The following MDGA2 variants were observed in gnomAD, a reference collection of about 807,000 sequenced individuals.
MDGA2 encodes the protein MAM domain-containing glycosylphosphatidylinositol anchor protein 2.
A neutral mutation model predicts 117.8 loss-of-function variants in MDGA2; 40 were observed. That is an observed-to-expected ratio of 0.34 (90% confidence interval 0.26 to 0.44). The LOEUF (loss-of-function observed/expected upper bound fraction) is 0.44. MDGA2 is among the 20% of genes least tolerant of loss of function. MDGA2 has a pLI of 1.00. For synonymous variants in MDGA2, 452 were observed against 439.0 expected (o/e 1.03, Z -0.37); for missense variants, 1,123 against 1,250.6 (o/e 0.90, Z 1.54).
At chr14:47,166,123 T>A (rs1413684210) in intron 3 of MDGA2, among the ~76,000 whole-genome samples, 1 of 148,044 alleles carries the variant, frequency 6.8e-6, no homozygotes, top group Non-Finnish European at 1.5e-5. Flanking sequence ...GCAACCTCCA[T>A]CTCCTAGGTT....
chr14:47,489,374 T>G (rs1894122838), intron 1 of MDGA2, among the ~76,000 whole-genome samples: 1 of 152,092 alleles, frequency 6.6e-6, no homozygotes, highest in African/African-American at 2.4e-5. Context: ...GCTTTTTAGT[T>G]TATGTTTTAT....
intron 1 of MDGA2, among the ~76,000 whole-genome samples, chr14:47,386,960 A>C (rs1891774295): frequency 6.6e-6 from 1 of 152,226 alleles, no homozygotes. Flanking sequence ...GATTTAAAAT[A>C]GTATATATGG....
chr14:46,882,277 A>G, intron 10 of MDGA2, 56 bp from the exon 11 acceptor site: 1 of 1,448,004 alleles, frequency 6.9e-7, no homozygotes, highest in Non-Finnish European at 9.3e-7. Flanking sequence ...AGAGGTACTA[A>G]GAAAATTGAA....
At chr14:47,370,391 C>T (rs10147494) in intron 1 of MDGA2, among the ~76,000 whole-genome samples, 106,729 of 147,834 alleles carry the variant, frequency 0.72, 38,780 homozygotes, top group Middle Eastern at 0.81. Context: ...GGTTACAAAA[C>T]CCTCTCTTAT....
intron 14 of MDGA2, among the ~76,000 whole-genome samples, chr14:46,858,335 A>G (rs1881356785): frequency 6.6e-6 from 1 of 150,908 alleles, no homozygotes; most frequent in Admixed American, 6.6e-5. Flanking sequence ...CCATTCACGC[A>G]TTTTATTTCC....
At chr14:47,609,465 A>ATATATATATATATATATATATAT (rs1555336021) in intron 1 of MDGA2, among the ~76,000 whole-genome samples, 40 of 107,368 alleles carry the variant, frequency 3.7e-4, no homozygotes, top group South Asian at 5.7e-4. Flanking sequence ...ATATATATAT[A>ATATATATATATATATATATATAT]AGTTTCTTTA....
intron 1 of MDGA2, among the ~76,000 whole-genome samples, chr14:47,436,086 A>G (rs1354986524): frequency 6.6e-6 from 1 of 152,082 alleles, no homozygotes; most frequent in Non-Finnish European, 1.5e-5. Context: ...AAACTTCAAT[A>G]GTAAAGTCCA....
intron 1 of MDGA2, among the ~76,000 whole-genome samples, chr14:47,582,449 G>A (rs957893240): frequency 6.6e-6 from 1 of 151,932 alleles, no homozygotes; most frequent in African/African-American, 2.4e-5. Context: ...TGATGGAAAT[G>A]TCTCAATTTA....
At chr14:47,089,978 CTA>C (rs1879543203) in intron 6 of MDGA2, among the ~76,000 whole-genome samples, 1 of 152,090 alleles carries the variant, frequency 6.6e-6, no homozygotes, top group Non-Finnish European at 1.5e-5. Context: ...TTAGTTATTA[CTA>C]TTCTCTAAAC....
chr14:47,286,866 A>G (rs1244907524), intron 2 of MDGA2, among the ~76,000 whole-genome samples: 2 of 140,316 alleles, frequency 1.4e-5, no homozygotes, highest in African/African-American at 5.8e-5. Context: ...ACTATGATAG[A>G]AAATGAGAAT....
At chr14:47,386,569 G>A (rs1012410576) in intron 1 of MDGA2, among the ~76,000 whole-genome samples, 6 of 152,156 alleles carry the variant, frequency 3.9e-5, no homozygotes, top group Non-Finnish European at 8.8e-5. Context: ...GAGCCCTGCT[G>A]AAAAGTACTG....
At chr14:46,992,193 G>T (rs181033607) in intron 8 of MDGA2, among the ~76,000 whole-genome samples, 1 of 152,048 alleles carries the variant, frequency 6.6e-6, no homozygotes, top group Non-Finnish European at 1.5e-5. Flanking sequence ...TCCACAATAT[G>T]AACATAAGCA....
intron 1 of MDGA2, among the ~76,000 whole-genome samples, chr14:47,482,131 T>G (rs1000656309): frequency 9.2e-5 from 14 of 152,062 alleles, no homozygotes; most frequent in Non-Finnish European, 1.8e-4. Flanking sequence ...CAGTTCGTTC[T>G]TAAAGACATT....
intron 14 of MDGA2, among the ~76,000 whole-genome samples, chr14:46,860,430 T>C (rs1488430550): frequency 6.6e-6 from 1 of 152,046 alleles, no homozygotes; most frequent in Non-Finnish European, 1.5e-5. Flanking sequence ...AATAGACCAC[T>C]GACTTTTTTT....
chr14:47,249,488 A>C (rs1443287615), intron 2 of MDGA2, among the ~76,000 whole-genome samples: 1 of 152,058 alleles, frequency 6.6e-6, no homozygotes, highest in Non-Finnish European at 1.5e-5. Flanking sequence ...CACCCAGCTA[A>C]ATTATATATG....
At chr14:47,225,061 G>A (rs1467394393) in intron 2 of MDGA2, among the ~76,000 whole-genome samples, 1 of 152,098 alleles carries the variant, frequency 6.6e-6, no homozygotes, top group East Asian at 1.9e-4. Flanking sequence ...TTCTAACAAA[G>A]CAACAAAATT....
In MDGA2 at chr14:47,234,805, G is replaced by C. The variant is rs116078849; in HGVS notation, c.421-16610C>G. Among the ~76,000 whole-genome samples, 750 of 152,170 alleles carry C rather than the reference G, an allele frequency of 4.9e-3. 8 individuals are homozygous for C. The highest frequency in any genetic ancestry group is 0.017 in the African/African-American group (720 of 41,540). The stretch of plus-strand genomic sequence containing the variant: ...CAAATAGCAGATGCTAGAGTTCATA[G>C]AAAGGCATTGTATTATAAAAATGTA... On this transcript the variant is annotated intron_variant, in intron 2 of 16. Transcript: ENST00000399232.
intron 2 of MDGA2, among the ~76,000 whole-genome samples, chr14:47,286,285 A>C (rs12435071): frequency 0.96 from 145,226 of 152,052 alleles, 69,374 homozygotes; most frequent in East Asian, 1. Flanking sequence ...TATTGTGAAC[A>C]ATAGTCACCC....
At chr14:47,666,191 G>A (rs1475742957) in intron 1 of MDGA2, among the ~76,000 whole-genome samples, 1 of 149,700 alleles carries the variant, frequency 6.7e-6, no homozygotes, top group East Asian at 2.0e-4. Context: ...AGCTAATCTG[G>A]TGGGGACTTG....
Sources: gnomAD v4.1 joint callset for allele counts (sites outside exome capture counted in the v4.1 genomes callset) on GRCh38, gnomAD v4.1.1 for gene constraint, MANE v1.5 for transcripts, NCBI Gene and HGNC (gene_info 2026-07-23, HGNC 2026-07-21) for gene names.